The following ZZZ3 variants were observed in gnomAD, a reference collection of about 807,000 sequenced individuals.
ZZZ3 encodes the protein ZZ-type zinc finger-containing protein 3.
In ZZZ3, 22 loss-of-function variants were observed where a neutral mutation model predicts 95.2. The observed-to-expected ratio is 0.23, with a 90% CI of 0.17 to 0.33. The LOEUF (loss-of-function observed/expected upper bound fraction) is 0.33, where lower values mean the gene tolerates loss of function less well. ZZZ3 is among the 10% of genes least tolerant of loss of function. The probability of loss-of-function intolerance (pLI) is 1.00; values close to 1 mark genes in which losing one functional copy is unlikely to be tolerated. For missense variants in ZZZ3, 885 were observed against 1,066.5 expected (o/e 0.83, Z 2.37); for synonymous variants, 335 against 358.9 (o/e 0.93, Z 0.75).
At chr1:77,594,119 T>C (rs1663984726) in intron 5 of ZZZ3, among the ~76,000 whole-genome samples, 1 of 152,156 alleles carries the variant, frequency 6.6e-6, no homozygotes, top group Non-Finnish European at 1.5e-5. Context: ...ACTGGGCTTA[T>C]TGGCTCTGCC....
At chr1:77,651,845 G>A (rs1024025671) in intron 1 of ZZZ3, among the ~76,000 whole-genome samples, 4 of 151,890 alleles carry the variant, frequency 2.6e-5, no homozygotes, top group Non-Finnish European at 5.9e-5. Flanking sequence ...GTGAAACCCC[G>A]TCTCTACTAA....
chr1:77,620,444 G>A (rs1666737666), intron 5 of ZZZ3, among the ~76,000 whole-genome samples: 1 of 150,870 alleles, frequency 6.6e-6, no homozygotes, highest in Non-Finnish European at 1.5e-5. Context: ...GAAAAGAGAT[G>A]ACAGTGGCCT....
intron 13 of ZZZ3, among the ~76,000 whole-genome samples, chr1:77,567,515 C>T (rs934569220): frequency 2.0e-5 from 3 of 152,126 alleles, no homozygotes; most frequent in Non-Finnish European, 4.4e-5. Flanking sequence ...TTCAATGGTT[C>T]CCCCCACCAA....
chr1:77,614,869 G>T (rs986397343), intron 5 of ZZZ3: 2 of 152,198 alleles, frequency 1.3e-5, no homozygotes, highest in East Asian at 3.8e-4. Context: ...GAACATTCAT[G>T]TTTATGGCCA....
chr1:77,631,570 T>C (rs893260037), intron 5 of ZZZ3, among the ~76,000 whole-genome samples: 3 of 152,072 alleles, frequency 2.0e-5, no homozygotes, highest in East Asian at 3.8e-4. Flanking sequence ...AAAAATGATA[T>C]AAAACATATT....
At chr1:77,570,156 G>A (rs979007091) in intron 12 of ZZZ3, among the ~76,000 whole-genome samples, 9 of 152,214 alleles carry the variant, frequency 5.9e-5, no homozygotes, top group Admixed American at 1.3e-4. Context: ...AGGCTGGAGC[G>A]CAGTGGCGCG....
chr1:77,625,759 G>C (rs376111185), intron 5 of ZZZ3, among the ~76,000 whole-genome samples: 1 of 152,038 alleles, frequency 6.6e-6, no homozygotes, highest in South Asian at 2.1e-4. Flanking sequence ...GGAGGCTGAG[G>C]GGGGCGGATC....
At chr1:77,580,866 T>C in intron 9 of ZZZ3, 132 bp downstream of exon 9, 1 of 712,462 alleles carries the variant, frequency 1.4e-6, no homozygotes, top group Non-Finnish European at 2.4e-6. Flanking sequence ...CTTCAAGTGA[T>C]CCACCCATAT....
intron 5 of ZZZ3, among the ~76,000 whole-genome samples, chr1:77,622,619 TAG>T (rs1666987973): frequency 6.6e-6 from 1 of 152,216 alleles, no homozygotes; most frequent in South Asian, 2.1e-4. Context: ...CGTAATTTCT[TAG>T]ACTCTTAGAA....
rs1307586412 is a variant in ZZZ3 at position 77,634,247 on chromosome 1, A to G, written c.-51-842T>C. ...TATAGCAGCTATCTTTCAAAAAACT[A>G]TTCCAATCATTTCTCGTGTTCTTTC... On this transcript the variant is annotated intron_variant, in intron 4 of 14. Coordinates refer to ENST00000370801, the MANE Select transcript of ZZZ3 (RefSeq NM_015534.6). 2.6e-5 allele frequency among the ~76,000 whole-genome samples: 4 copies of G among 152,140 alleles called. No homozygotes were observed. In the East Asian group the frequency reaches 7.7e-4, roughly 29 times the overall value.
intron 1 of ZZZ3, among the ~76,000 whole-genome samples, chr1:77,660,698 C>T (rs528055088): frequency 6.6e-6 from 1 of 152,144 alleles, no homozygotes; most frequent in African/African-American, 2.4e-5. Flanking sequence ...CTTCAAGACC[C>T]GGCCTTCAAT....
chr1:77,620,654 C>T (rs146925793), intron 5 of ZZZ3, among the ~76,000 whole-genome samples: 14 of 152,066 alleles, frequency 9.2e-5, no homozygotes, highest in African/African-American at 2.7e-4. Context: ...AAGGAAAAAA[C>T]GTGAATATTC....
chr1:77,588,646 T>C (rs1046480442), intron 5 of ZZZ3, among the ~76,000 whole-genome samples: 7 of 152,264 alleles, frequency 4.6e-5, no homozygotes, highest in African/African-American at 1.7e-4. Context: ...TGAAACTCTT[T>C]AATTCCAATA....
intron 5 of ZZZ3, among the ~76,000 whole-genome samples, chr1:77,591,486 C>T (rs1450105316): frequency 3.3e-5 from 5 of 152,104 alleles, no homozygotes; most frequent in African/African-American, 7.2e-5. Context: ...GGACTACAGG[C>T]GCATAGCACC....
chr1:77,617,113 T>C (rs1666395570), intron 5 of ZZZ3, among the ~76,000 whole-genome samples: 1 of 152,172 alleles, frequency 6.6e-6, no homozygotes, highest in African/African-American at 2.4e-5. Context: ...CCCCCACGCT[T>C]TAGTTTCATC....
chr1:77,637,108 T>G (rs1207362188), intron 4 of ZZZ3, among the ~76,000 whole-genome samples: 1 of 152,180 alleles, frequency 6.6e-6, no homozygotes, highest in East Asian at 1.9e-4. Flanking sequence ...TTCATGTATG[T>G]ATTAGGGTTT....
At chr1:77,578,247 A>T (rs1008129625) in intron 11 of ZZZ3, among the ~76,000 whole-genome samples, 1 of 152,248 alleles carries the variant, frequency 6.6e-6, no homozygotes, top group Admixed American at 6.5e-5. Context: ...ACAATATTTT[A>T]TTTTTTTAAA....
intron 12 of ZZZ3, among the ~76,000 whole-genome samples, chr1:77,572,580 C>T (rs1570396754): frequency 6.6e-6 from 1 of 152,100 alleles, no homozygotes; most frequent in East Asian, 1.9e-4. Flanking sequence ...CCTCATGATT[C>T]ATCTGCCTCG....
At position 77,641,951 on chromosome 1, in the gene ZZZ3, T is replaced by C. The variant is rs142121476; in HGVS notation, c.-402-296A>G. On this transcript the variant is annotated intron_variant, in intron 1 of 14. Transcript: ENST00000370801. Reference sequence around the variant, plus strand: ...CAGGTTCCTTTTCTTACCACCAATATAGACATATGTCATTTTCCTTAAGTC... The same window carrying C: ...CAGGTTCCTTTTCTTACCACCAATACAGACATATGTCATTTTCCTTAAGTC... 1.5e-3 allele frequency among the ~76,000 whole-genome samples: 234 copies of C among 152,308 alleles called. 2 individuals are homozygous for C. The highest frequency in any genetic ancestry group is 5.3e-3 in the African/African-American group (222 of 41,580).
Sources: gnomAD v4.1 joint callset for allele counts (sites outside exome capture counted in the v4.1 genomes callset) on GRCh38, gnomAD v4.1.1 for gene constraint, MANE v1.5 for transcripts, NCBI Gene and HGNC (gene_info 2026-07-23, HGNC 2026-07-21) for gene names.